Variants in NPAS3 observed in about 807,000 individuals in gnomAD.
NPAS3 encodes the protein neuronal PAS domain-containing protein 3.
NPAS3 carries 14 observed loss-of-function variants against 73.1 expected under a neutral mutation model. The observed-to-expected ratio is 0.19, with a 90% CI of 0.13 to 0.30. The LOEUF is 0.30. Among genes scored for constraint, NPAS3 ranks in the 10% least tolerant of loss-of-function variants. The pLI, the probability that NPAS3 is intolerant of heterozygous loss-of-function variation, is 1.00. For missense variants in NPAS3, 1,096 were observed against 1,250.0 expected, an observed-to-expected ratio of 0.88 and a Z score of 1.86; for synonymous variants, 620 against 541.5, an observed-to-expected ratio of 1.14 and a Z score of -2.01.
chr14:33,354,948 C>G (rs1311613848), intron 3 of NPAS3, among the ~76,000 whole-genome samples: 2 of 152,168 alleles, frequency 1.3e-5, no homozygotes. Context: ...TGCACCGTGC[C>G]TCAGGTGATA....
At chr14:33,559,073 C>A (rs1326513870) in intron 4 of NPAS3, among the ~76,000 whole-genome samples, 2 of 152,210 alleles carry the variant, frequency 1.3e-5, no homozygotes, top group East Asian at 1.9e-4. Context: ...ATTCATCAAA[C>A]TGAAAATGCA....
chr14:33,539,438 C>T (rs1285136906), intron 4 of NPAS3, among the ~76,000 whole-genome samples: 1 of 151,988 alleles, frequency 6.6e-6, no homozygotes, highest in Non-Finnish European at 1.5e-5. Context: ...TGGTCTTAGA[C>T]AAGTTACATT....
At chr14:33,250,781 G>A (rs1052397690) in intron 3 of NPAS3, among the ~76,000 whole-genome samples, 2 of 152,124 alleles carry the variant, frequency 1.3e-5, no homozygotes, top group Non-Finnish European at 2.9e-5. Context: ...AATGTTTGAA[G>A]TATAGGAATG....
chr14:33,756,340 G>C (rs1436146871), intron 7 of NPAS3, among the ~76,000 whole-genome samples: 1 of 152,190 alleles, frequency 6.6e-6, no homozygotes, highest in Non-Finnish European at 1.5e-5. Context: ...GCAGTACCCA[G>C]TTGTATTCAC....
intron 6 of NPAS3, among the ~76,000 whole-genome samples, chr14:33,708,316 A>G (rs569751523): frequency 6.6e-6 from 1 of 152,312 alleles, no homozygotes; most frequent in African/African-American, 2.4e-5. Context: ...CCCCAAAACC[A>G]TGGATAAAAG....
At chr14:33,229,543 C>T (rs976421395) in intron 3 of NPAS3, among the ~76,000 whole-genome samples, 22 of 152,126 alleles carry the variant, frequency 1.4e-4, no homozygotes, top group Non-Finnish European at 1.9e-4. Flanking sequence ...GAAGACTAGA[C>T]GGTGCGAAAG....
At chr14:33,335,692 A>G (rs2044196318) in intron 3 of NPAS3, among the ~76,000 whole-genome samples, 1 of 152,076 alleles carries the variant, frequency 6.6e-6, no homozygotes, top group Non-Finnish European at 1.5e-5. Flanking sequence ...GGCTGTTAGT[A>G]ATCTTGGACG....
rs3058296 is a variant in NPAS3 at position 33,369,404 on chromosome 14, CAAAAAAAAAAAAA to C, written c.468+2147_468+2159del. ...TCTATTTATTTGAAGGCCTCATTTC[CAAAAAAAAAAAAA>C]AAAAAAAAAAGGATTAAACATATTC... On this transcript the variant is annotated intron_variant, in intron 4 of 11. Transcript: ENST00000356141. Among the ~76,000 whole-genome samples, 151 of 90,956 alleles carry C rather than the reference CAAAAAAAAAAAAA, an allele frequency of 1.7e-3. 4 individuals carry two copies. The highest frequency in any genetic ancestry group is 0.015 in the Admixed American group (130 of 8,532). The allele number at this position is 90,956 out of a possible 152,430, so 59.7% of individuals were successfully genotyped here. A position where few individuals can be genotyped will look rare whatever the true frequency, so the allele number is the denominator to read the frequency against.
chr14:33,424,204 A>G (rs576094945), intron 4 of NPAS3, among the ~76,000 whole-genome samples: 1 of 152,012 alleles, frequency 6.6e-6, no homozygotes, highest in African/African-American at 2.4e-5. Context: ...GTTGGAGTTG[A>G]CTAGGAGCCC....
Position 33,800,401 on chromosome 14 carries a change from CGGTGGG to C in NPAS3, c.2100_2105del (p.Gly705_Gly706del). The C allele has an allele frequency of 6.4e-7, 1 of 1,571,248 alleles. No individual in the cohort carries two copies. The highest frequency in any genetic ancestry group is 1.1e-5 in the South Asian group (1 of 89,776). On this transcript the variant is annotated inframe_deletion, in exon 12 of 12. Transcript: ENST00000356141. This position sits in a 1 kb window ranked among gnomAD's most constrained non-coding sequence, Gnocchi z 6.5. Reference sequence around the variant, plus strand: ...ACTTCCCGTCCCCGCAGGGCGGCGGCGGTGGGGGTGGCGGTGGCGGGGGGCTGCACG... The same window carrying C: ...ACTTCCCGTCCCCGCAGGGCGGCGGCGGTGGCGGTGGCGGGGGGCTGCACG...
intron 1 of NPAS3, among the ~76,000 whole-genome samples, chr14:32,953,569 A>G (rs1411259369): frequency 1.3e-5 from 2 of 152,108 alleles, no homozygotes; most frequent in Non-Finnish European, 2.9e-5. Context: ...TGTTTTCCCT[A>G]AAGATCTATG....
intron 5 of NPAS3, among the ~76,000 whole-genome samples, chr14:33,602,329 A>G (rs1418070223): frequency 6.6e-6 from 1 of 152,018 alleles, no homozygotes; most frequent in Admixed American, 6.6e-5. Flanking sequence ...GGAAACCATT[A>G]AGACTCGCAG....
chr14:33,630,167 A>G (rs17101639), intron 5 of NPAS3, among the ~76,000 whole-genome samples: 8,428 of 152,142 alleles, frequency 0.055, 713 homozygotes, highest in African/African-American at 0.19. Context: ...GACCATTACC[A>G]AGTCAATTTT....
intron 3 of NPAS3, among the ~76,000 whole-genome samples, chr14:33,330,483 A>G (rs190247707): frequency 5.5e-4 from 84 of 152,230 alleles, no homozygotes; most frequent in Non-Finnish European, 1.1e-3. Context: ...CAGGCACATA[A>G]TAAACACTTG....
chr14:33,711,747 C>A (rs955744195), intron 6 of NPAS3, among the ~76,000 whole-genome samples: 2 of 152,224 alleles, frequency 1.3e-5, no homozygotes, highest in South Asian at 4.1e-4. Flanking sequence ...ATGGTCAGAA[C>A]ATGGTGAGCA....
chr14:33,184,937 C>T (rs1403625878), intron 2 of NPAS3, among the ~76,000 whole-genome samples: 3 of 152,152 alleles, frequency 2.0e-5, no homozygotes, highest in African/African-American at 7.2e-5. Flanking sequence ...ATCTGCCTAT[C>T]TTCTTTTTTT....
intron 4 of NPAS3, among the ~76,000 whole-genome samples, chr14:33,469,848 T>A (rs1031789068): frequency 6.6e-6 from 1 of 152,204 alleles, no homozygotes; most frequent in Admixed American, 6.5e-5. Flanking sequence ...AAATTACCTT[T>A]AAACTTATAG....
At chr14:33,606,061 C>G (rs9806072) in intron 5 of NPAS3, among the ~76,000 whole-genome samples, 6,122 of 147,930 alleles carry the variant, frequency 0.041, 274 homozygotes, top group African/African-American at 0.11. Context: ...TTATAGGCAG[C>G]TGACTTTCTT....
At chr14:33,379,636 C>T (rs1381179794) in intron 4 of NPAS3, among the ~76,000 whole-genome samples, 1 of 152,130 alleles carries the variant, frequency 6.6e-6, no homozygotes, top group Non-Finnish European at 1.5e-5. Context: ...TCTCCCATCT[C>T]AGTCTCTAGA....
Sources: allele counts gnomAD v4.1 joint callset (sites outside exome capture counted in the v4.1 genomes callset), GRCh38; gene constraint gnomAD v4.1.1; non-coding constraint Gnocchi (gnomAD v3.1); transcripts MANE v1.5; gene names NCBI Gene and HGNC (gene_info 2026-07-23, HGNC 2026-07-21).